FBH1: variants seen among roughly 807,000 people sequenced by gnomAD.
The protein encoded by FBH1 is F-box DNA helicase 1, also known as DNA 3'-5' helicase 1.
In FBH1, 43 loss-of-function variants were observed where a neutral mutation model predicts 115.5. That is an observed-to-expected ratio of 0.37 (90% CI 0.29 to 0.48). The LOEUF is 0.48. FBH1 is among the 20% of genes least tolerant of loss of function. The probability of loss-of-function intolerance (pLI) is 0.99; values close to 1 mark genes in which losing one functional copy is unlikely to be tolerated. For missense variants in FBH1, 1,001 were observed against 1,337.3 expected (o/e 0.75, Z 3.92); for synonymous variants, 524 against 507.8 (o/e 1.03, Z -0.43).
In FBH1 at chr10:5,937,331, C is replaced by T. The variant is rs777730283; in HGVS notation, c.*51C>T. The T allele has an allele frequency of 5.6e-6, 8 of 1,434,490 alleles. No individual in the cohort carries two copies. The highest frequency in any genetic ancestry group is 2.7e-5 in the Admixed American group (1 of 37,322). 88.9% of individuals were successfully genotyped at this position (1,434,490 alleles called of 1,614,324 possible). On this transcript the variant is annotated 3_prime_UTR_variant, in exon 21 of 21. Coordinates refer to ENST00000362091, the MANE Select transcript of FBH1 (RefSeq NM_178150.3). ...GCAGAGCAGCTTGCCGAGGACCCCG[C>T]GTGAAGAAAGCCAGCGAGGGGGGCT...
chr10:5,914,837 AC>A lies in FBH1; in HGVS notation c.1397-563del, dbSNP rs1264029236. The stretch of plus-strand genomic sequence containing the variant: ...CTTCCTGCTCCTTTTGTGGCTAAAT[AC>A]CCTGCTAACAACAACAACAACATTT... On this transcript the variant is annotated intron_variant, in intron 8 of 20. Coordinates refer to ENST00000362091, the MANE Select transcript of FBH1 (RefSeq NM_178150.3). This position sits in a 1 kb window ranked among gnomAD's most constrained non-coding sequence, Gnocchi z 5.2. Among the ~76,000 whole-genome samples the A allele has an allele frequency of 2.0e-5, 3 of 152,128 alleles. No individual in the cohort carries two copies. The South Asian group carries it at 6.2e-4, about 32-fold the overall frequency.
rs1307511310 is a variant in FBH1 at position 5,916,313 on chromosome 10, G to A, written c.1645G>A (p.Gly549Arg). The part of the protein sequence containing the change: ...VNSVLAEGKG[G>R]FIRAKLVCKT... ...CTCCGTCCTTGCTGAAGGGAAGGGT[G>A]GATTCATAAGAGCCAAGCTTGTGTG... is the stretch of plus-strand genomic sequence containing the variant. The change falls in exon 10 of 21, where the codon GGA (glycine) becomes AGA (arginine). Residue 549 changes from glycine (G) to arginine (R), a missense_variant. Physicochemically the swap from Gly to Arg is moderately radical, Grantham distance 125. Transcript: ENST00000362091. 9.9e-6 allele frequency: 16 copies of A among 1,614,110 alleles called. No homozygotes were observed. Among genetic ancestry groups the A allele is most frequent in the Non-Finnish European group, 1.4e-5 (16 of 1,180,050 alleles).
intron 3 of FBH1, 69 bp from the exon 4 acceptor site, chr10:5,908,856 C>T: frequency 1.9e-6 from 3 of 1,550,080 alleles, no homozygotes; most frequent in Non-Finnish European, 2.7e-6. Context: ...GGCGATCTGC[C>T]CGCCTCATTA....
chr10:5,933,288 T>G lies in FBH1; in HGVS notation c.2830-3168T>G, dbSNP rs112480670. ...CTGTAATCCCAGCTACTCAGGAGGCTGAGGCAGGAGAATCACTTGAATCCG... is the reference window on the plus strand; with the variant it reads ...CTGTAATCCCAGCTACTCAGGAGGCGGAGGCAGGAGAATCACTTGAATCCG... On this transcript the variant is annotated intron_variant, in intron 19 of 20. Coordinates refer to ENST00000362091, the MANE Select transcript of FBH1 (RefSeq NM_178150.3). This position sits in a 1 kb window ranked among gnomAD's most constrained non-coding sequence, Gnocchi z 4.9. 7.3e-3 allele frequency among the ~76,000 whole-genome samples: 1,118 copies of G among 152,284 alleles called. 14 individuals are homozygous for G. Among genetic ancestry groups the G allele is most frequent in the African/African-American group, 0.026 (1,068 of 41,572 alleles).
In FBH1 at chr10:5,924,582, T is replaced by C; in HGVS notation, c.2596+74T>C. Reference sequence around the variant, plus strand: ...TGGTCTTCTGCTGTTCTTTTTTTTTTTTTGAGACAGAGTATTGCTCTGTTG... The same window carrying C: ...TGGTCTTCTGCTGTTCTTTTTTTTTCTTTGAGACAGAGTATTGCTCTGTTG... On this transcript the variant is annotated intron_variant, in intron 17 of 20. Coordinates refer to ENST00000362091, the MANE Select transcript of FBH1 (RefSeq NM_178150.3). The surrounding 1 kb of genome is among the most constrained non-coding windows in gnomAD (Gnocchi z 6.2). The C allele has an allele frequency of 2.0e-6, 3 of 1,484,644 alleles. No homozygotes were observed. The South Asian group carries it at 3.6e-5, about 18-fold the overall frequency. The allele number at this position is 1,484,644 out of a possible 1,614,324, so 92.0% of individuals were successfully genotyped here.
rs1832559582 is a variant in FBH1 at position 5,925,065 on chromosome 10, T to G, written c.2597-302T>G. ...AGCTGTGCAGCCCTCTTCTGGGCTC[T>G]GTCCCTTCATGTGTTAGATCCAGAC... On this transcript the variant is annotated intron_variant, in intron 17 of 20. Transcript: ENST00000362091. This position sits in a 1 kb window ranked among gnomAD's most constrained non-coding sequence, Gnocchi z 4.6. Among the ~76,000 whole-genome samples, 1 of 152,240 alleles carries G rather than the reference T, an allele frequency of 6.6e-6. No homozygotes were observed. The highest frequency in any genetic ancestry group is 1.5e-5 in the Non-Finnish European group (1 of 68,040).
intron 1 of FBH1, among the ~76,000 whole-genome samples, chr10:5,899,009 C>CA (rs1843173694): frequency 6.6e-6 from 1 of 152,168 alleles, no homozygotes; most frequent in Non-Finnish European, 1.5e-5. Flanking sequence ...ACATACTTCA[C>CA]AAAAAACGTT....
Position 5,915,616 on chromosome 10 carries a change from C to A in FBH1, c.1565+45C>A. 1 of 1,580,756 alleles carries A rather than the reference C, an allele frequency of 6.3e-7. No homozygotes were observed. Among genetic ancestry groups the A allele is most frequent in the South Asian group, 1.1e-5 (1 of 88,342 alleles). ...GTGGCACTGTTGCTGCTGGCACGGTCGCGTCTTACTGTTTTCCCGTGACGA... is the reference window on the plus strand; with the variant it reads ...GTGGCACTGTTGCTGCTGGCACGGTAGCGTCTTACTGTTTTCCCGTGACGA... On this transcript the variant is annotated intron_variant, in intron 9 of 20. Coordinates refer to ENST00000362091, the MANE Select transcript of FBH1 (RefSeq NM_178150.3). This position sits in a 1 kb window ranked among gnomAD's most constrained non-coding sequence, Gnocchi z 5.2.
Position 5,913,604 on chromosome 10 carries a change from C to T in FBH1, c.1212-143C>T. The T allele has an allele frequency of 1.8e-6, 1 of 569,718 alleles. No homozygotes were observed. The highest frequency in any genetic ancestry group is 3.0e-6 in the Non-Finnish European group (1 of 334,578). The allele number at this position is 569,718 out of a possible 1,614,324, so 35.3% of individuals were successfully genotyped here. A position where few individuals can be genotyped will look rare whatever the true frequency, so the allele number is the denominator to read the frequency against. Reference sequence around the variant, plus strand: ...TTGCCAGCCATAGATATATTTAAATCCTTTTCTTTCTTTTTTCCATTAAAT... The same window carrying T: ...TTGCCAGCCATAGATATATTTAAATTCTTTTCTTTCTTTTTTCCATTAAAT... On this transcript the variant is annotated intron_variant, in intron 6 of 20. Transcript: ENST00000362091. This position sits in a 1 kb window ranked among gnomAD's most constrained non-coding sequence, Gnocchi z 4.4.
rs1831521394 is a variant in FBH1 at position 5,910,605 on chromosome 10, C to A, written c.1021-333C>A. On this transcript the variant is annotated intron_variant, in intron 5 of 20. Transcript: ENST00000362091. This position sits in a 1 kb window ranked among gnomAD's most constrained non-coding sequence, Gnocchi z 4.8. ...TGCCAAGCACATATGGACCTGAGAG[C>A]CCCCATGGCCTGGAGAGTAGGGTGG... 6.6e-6 allele frequency among the ~76,000 whole-genome samples: 1 copy of A among 152,110 alleles called. No homozygotes were observed. The highest frequency in any genetic ancestry group is 1.5e-5 in the Non-Finnish European group (1 of 68,028).
chr10:5,927,902 T>C (rs747524382), intron 19 of FBH1, among the ~76,000 whole-genome samples: 65 of 151,728 alleles, frequency 4.3e-4, no homozygotes, highest in Non-Finnish European at 7.8e-4. Flanking sequence ...TGAAAACCCA[T>C]CTCTACTAAA....
In FBH1 at chr10:5,911,266, T is replaced by A. The variant is rs1831573021; in HGVS notation, c.1211+138T>A. The A allele has an allele frequency of 4.9e-6, 4 of 811,216 alleles. No homozygotes were observed. The highest frequency in any genetic ancestry group is 7.6e-6 in the Non-Finnish European group (4 of 524,324). The allele number at this position is 811,216 out of a possible 1,614,324, so 50.3% of individuals were successfully genotyped here. A position where few individuals can be genotyped will look rare whatever the true frequency, so the allele number is the denominator to read the frequency against. ...CCACCTGCTCCACCTCAGTGTCATC[T>A]TCTGCAGGAGCCAGGGGCTGAGAGT... is the stretch of plus-strand genomic sequence containing the variant. On this transcript the variant is annotated intron_variant, in intron 6 of 20. Transcript: ENST00000362091. This position sits in a 1 kb window ranked among gnomAD's most constrained non-coding sequence, Gnocchi z 5.4.
In FBH1 at chr10:5,921,492, C is replaced by A. The variant is rs1319168842; in HGVS notation, c.2245C>A (p.Arg749=). 6.2e-7 allele frequency: 1 copy of A among 1,601,134 alleles called. No individual in the cohort carries two copies. Among genetic ancestry groups the A allele is most frequent in the Non-Finnish European group, 8.5e-7 (1 of 1,176,838 alleles). ...AAAGGGGCAAGTGGCCTTGTTGTCC[C>A]GGACCAACGCCAACGTGTTTGATGA... ...DAKGQVALLS[R]TNANVFDEAV... is the part of the protein sequence containing the mutation. Residue 749 remains arginine (R), a synonymous_variant, in exon 15 of 21, where the codon CGG becomes AGG. Transcript: ENST00000362091. This position sits in a 1 kb window ranked among gnomAD's most constrained non-coding sequence, Gnocchi z 6.4.
intron 19 of FBH1, among the ~76,000 whole-genome samples, chr10:5,928,148 C>CTTT (rs753773157): frequency 0.31 from 35,980 of 114,380 alleles, 6,706 homozygotes; most frequent in East Asian, 0.64. Context: ...TCAATTAGTT[C>CTTT]TTTTTTTTTT....
chr10:5,917,698 C>T lies in FBH1; in HGVS notation c.1963+22C>T. The T allele has an allele frequency of 1.9e-6, 3 of 1,579,710 alleles. No homozygotes were observed. The highest frequency in any genetic ancestry group is 2.6e-6 in the Non-Finnish European group (3 of 1,150,048). ...CCAGGTGATACACTGTTCAGGACAT[C>T]AGTAGTGTCAAATACGTAGAAACAG... On this transcript the variant is annotated intron_variant, in intron 12 of 20. Transcript: ENST00000362091. The surrounding 1 kb of genome is among the most constrained non-coding windows in gnomAD (Gnocchi z 5.6).
Position 5,895,579 on chromosome 10 carries a change from G to A in FBH1, c.1+5233G>A, listed in dbSNP as rs542534983. The stretch of plus-strand genomic sequence containing the variant: ...TGACAAATAGATCCAGACATGTAAT[G>A]GCCTCACAATAGACGTTTATTTTTC... On this transcript the variant is annotated intron_variant, in intron 1 of 20. Coordinates refer to ENST00000362091, the MANE Select transcript of FBH1 (RefSeq NM_178150.3). The surrounding 1 kb of genome is among the most constrained non-coding windows in gnomAD (Gnocchi z 5.0). Among the ~76,000 whole-genome samples, 10 of 152,282 alleles carry A rather than the reference G, an allele frequency of 6.6e-5. No homozygotes were observed. The highest frequency in any genetic ancestry group is 1.3e-4 in the Non-Finnish European group (9 of 68,028).
intron 1 of FBH1, among the ~76,000 whole-genome samples, chr10:5,890,573 T>C (rs750394301): frequency 4.0e-5 from 6 of 150,892 alleles, no homozygotes; most frequent in Non-Finnish European, 7.4e-5. Flanking sequence ...GGGCGCTCAC[T>C]GAACTCGGTC....
intron 13 of FBH1, among the ~76,000 whole-genome samples, chr10:5,920,433 A>T (rs1832244061): frequency 6.6e-6 from 1 of 152,162 alleles, no homozygotes; most frequent in Admixed American, 6.5e-5. Flanking sequence ...GGAAGTCCCT[A>T]TATGCAGTCC....
rs911710907 is a variant in FBH1 at position 5,909,890 on chromosome 10, G to A, written c.1020+596G>A. ...TTGAAGAAGATGATTGCTGATGGTG[G>A]TGGAGTGGGTCTTCTTTCACAGGAT... On this transcript the variant is annotated intron_variant, in intron 5 of 20. Transcript: ENST00000362091. This position sits in a 1 kb window ranked among gnomAD's most constrained non-coding sequence, Gnocchi z 4.4. Among the ~76,000 whole-genome samples, 20 of 152,366 alleles carry A rather than the reference G, an allele frequency of 1.3e-4. No homozygotes were observed. The highest frequency in any genetic ancestry group is 6.8e-3 in the Middle Eastern group (2 of 292).
Sources: allele counts gnomAD v4.1 joint callset (sites outside exome capture counted in the v4.1 genomes callset), GRCh38; gene constraint gnomAD v4.1.1; non-coding constraint Gnocchi (gnomAD v3.1); transcripts MANE v1.5; gene names NCBI Gene and HGNC (gene_info 2026-07-23, HGNC 2026-07-21).